Variants in BRWD1 observed in about 807,000 individuals in gnomAD.
BRWD1 encodes bromodomain and WD repeat-containing protein 1.
In BRWD1, 82 loss-of-function variants were observed where a neutral mutation model predicts 251.2. The ratio of observed to expected loss-of-function variants is 0.33; its 90% CI spans 0.27 to 0.39. The LOEUF (loss-of-function observed/expected upper bound fraction) is 0.39. Ranked by LOEUF, BRWD1 falls within the 10% of genes least tolerant of loss-of-function variation. The pLI is 1.00. For synonymous variants in BRWD1, 918 were observed against 902.8 expected (o/e 1.02, Z -0.30); for missense variants, 2,233 against 2,711.6 (o/e 0.82, Z 3.92).
chr21:39,241,058 G>A (rs1054589099), intron 21 of BRWD1, among the ~76,000 whole-genome samples: 435 of 150,180 alleles, frequency 2.9e-3, no homozygotes, highest in African/African-American at 0.01. Context: ...CCGCCACCAC[G>A]CCCAGCTAAT....
chr21:39,259,214 A>G (rs1267888793), intron 17 of BRWD1, among the ~76,000 whole-genome samples: 1 of 152,206 alleles, frequency 6.6e-6, no homozygotes, highest in East Asian at 1.9e-4. Flanking sequence ...TGGTAATTAC[A>G]CAAGCCTCTC....
rs1367799600 is a variant in BRWD1, at chr21:39,199,086, G to A, written c.5330C>T (p.Thr1777Met). ...CTCTGCCTTAAGTTTCTGCACAGAC[G>A]TTGATGGGCCAGCAGTTCTGTTACA... Reference protein sequence around the residue: ...HACNRTAGPSTSVQKLKAESI... With the variant: ...HACNRTAGPSMSVQKLKAESI... The change falls in exon 40 of 41, where the codon ACG becomes ATG. Residue 1777 changes from threonine (T) to methionine (M), a missense_variant. Transcript: ENST00000342449. 10 of 1,613,950 alleles carry A rather than the reference G, an allele frequency of 6.2e-6. No individual in the cohort carries two copies. Among genetic ancestry groups the A allele is most frequent in the East Asian group, 2.2e-5 (1 of 44,888 alleles).
At chr21:39,237,843 T>C (rs981091005) in intron 22 of BRWD1, among the ~76,000 whole-genome samples, 9 of 152,092 alleles carry the variant, frequency 5.9e-5, no homozygotes, top group South Asian at 2.1e-4. Context: ...TAAAAAAAGA[T>C]AATACATTAT....
Position 39,200,401 on chromosome 21 carries a change from G to A in BRWD1, c.4586-15C>T. On this transcript the variant is annotated splice_polypyrimidine_tract_variant and intron_variant, in intron 38 of 40. Coordinates refer to ENST00000342449, the MANE Select transcript of BRWD1 (RefSeq NM_033656.4). The stretch of plus-strand genomic sequence containing the variant: ...CACTTCACTTTCTAGGAAAAATAAA[G>A]TGTAAATAGTTACATATATTCTCCT... 6.2e-7 allele frequency: 1 copy of A among 1,606,470 alleles called. No individual in the cohort carries two copies. Among genetic ancestry groups the A allele is most frequent in the Non-Finnish European group, 8.5e-7 (1 of 1,175,946 alleles).
intron 38 of BRWD1, 147 bp downstream of exon 38, chr21:39,202,178 G>C (rs2032142274): frequency 1.8e-6 from 1 of 557,126 alleles, no homozygotes; most frequent in East Asian, 2.8e-5. Context: ...ATTGTTCCAT[G>C]TTTATTATGT....
chr21:39,279,480 A>C (rs2035380635), intron 9 of BRWD1, among the ~76,000 whole-genome samples: 1 of 19,876 alleles, frequency 5.0e-5, no homozygotes, highest in Admixed American at 4.8e-4. Flanking sequence ...CTCTACTAAA[A>C]ATACAAAAAT....
intron 31 of BRWD1, chr21:39,217,233 T>C (rs1476784224): frequency 1.3e-5 from 2 of 152,210 alleles, no homozygotes; most frequent in Non-Finnish European, 2.9e-5. Flanking sequence ...GTACCTGCGA[T>C]TACAGGCACG....
intron 23 of BRWD1, among the ~76,000 whole-genome samples, chr21:39,235,095 G>A (rs943243051): frequency 7.9e-5 from 12 of 151,884 alleles, no homozygotes; most frequent in Admixed American, 2.6e-4. Context: ...CTAAAAATAC[G>A]AAACTTAGCC....
chr21:39,211,014 T>G, intron 34 of BRWD1, 85 bp from the exon 35 acceptor site: 2 of 1,346,858 alleles, frequency 1.5e-6, no homozygotes, highest in Non-Finnish European at 2.0e-6. Flanking sequence ...CTGTCTTCTA[T>G]AAAAATACAA....
At chr21:39,313,839 G>GGGGGA (rs1457469495), upstream of BRWD1, 33 of 341,538 alleles carry the variant, frequency 9.7e-5, no homozygotes, top group East Asian at 1.9e-3. Context: ...AGCAGCGAGT[G>GGGGGA]GGGGAGGGGA....
In BRWD1 at chr21:39,255,620, T is replaced by C. The variant is rs866840250; in HGVS notation, c.2255+25A>G. The C allele has an allele frequency of 1.9e-6, 3 of 1,575,974 alleles. 1 individual carries two copies. The Middle Eastern group carries it at 5.0e-4, about 263-fold the overall frequency. On this transcript the variant is annotated intron_variant, in intron 19 of 40. Coordinates refer to ENST00000342449, the MANE Select transcript of BRWD1 (RefSeq NM_033656.4). The stretch of plus-strand genomic sequence containing the variant: ...AATATATTTTCACAGATAGAAACAT[T>C]ATAAATAGATATCCTAAAACAAACC...
intron 12 of BRWD1, among the ~76,000 whole-genome samples, chr21:39,274,858 G>A (rs1284434376): frequency 6.6e-6 from 1 of 152,140 alleles, no homozygotes; most frequent in Non-Finnish European, 1.5e-5. Flanking sequence ...TGACCAACAT[G>A]GTGAAACCCC....
rs2035358723 is a variant in BRWD1 at position 39,278,795 on chromosome 21, G to A, written c.951C>T (p.Phe317=). The A allele has an allele frequency of 3.1e-6, 5 of 1,596,032 alleles. No homozygotes were observed. The highest frequency in any genetic ancestry group is 3.5e-5 in the Admixed American group (2 of 57,078). Residue 317 remains phenylalanine (F), a synonymous_variant, in exon 10 of 41, where the codon TTC becomes TTT. Transcript: ENST00000342449. ...GAACGCCTGGCCTAGGCTTTTCAGT[G>A]AACTTCAGGGGACGTGGGCTTTAAA... The part of the protein sequence containing the change: ...SLKFSPRPLK[F]TEKPRPGVQM...
At chr21:39,312,202 CTATT>C (rs1297216077) in intron 4 of BRWD1, among the ~76,000 whole-genome samples, 2 of 152,238 alleles carry the variant, frequency 1.3e-5, no homozygotes, top group South Asian at 2.1e-4. Context: ...AGAAAAGTGC[CTATT>C]TAAAGCACTT....
chr21:39,257,940 AGT>A (rs1222468145), intron 18 of BRWD1, among the ~76,000 whole-genome samples: 1 of 152,208 alleles, frequency 6.6e-6, no homozygotes, highest in African/African-American at 2.4e-5. Context: ...TTATGCTGTA[AGT>A]TTAAGAGAAA....
chr21:39,302,505 T>C (rs1376835505), intron 4 of BRWD1, among the ~76,000 whole-genome samples: 2 of 152,080 alleles, frequency 1.3e-5, no homozygotes, highest in Admixed American at 1.3e-4. Context: ...ACTTGTAATC[T>C]CAGCACTTTG....
Position 39,240,673 on chromosome 21 carries a change from T to C in BRWD1, c.2482-2100A>G, listed in dbSNP as rs73357897. On this transcript the variant is annotated intron_variant, in intron 21 of 40. Coordinates refer to ENST00000342449, the MANE Select transcript of BRWD1 (RefSeq NM_033656.4). ...CTGTTTCAATCATGCCATAAAGTACTACATAACTCTTAAAACAAATAAGGA... is the reference window on the plus strand; with the variant it reads ...CTGTTTCAATCATGCCATAAAGTACCACATAACTCTTAAAACAAATAAGGA... Among the ~76,000 whole-genome samples, 605 of 152,336 alleles carry C rather than the reference T, an allele frequency of 4.0e-3. 6 individuals are homozygous for C. The highest frequency in any genetic ancestry group is 0.014 in the African/African-American group (592 of 41,576).
chr21:39,299,344 A>G (rs1044148197), intron 4 of BRWD1, among the ~76,000 whole-genome samples: 1 of 152,148 alleles, frequency 6.6e-6, no homozygotes, highest in African/African-American at 2.4e-5. Flanking sequence ...ATAAGACATC[A>G]TTTAGTATCT....
chr21:39,312,017 G>T (rs868265379), intron 4 of BRWD1, among the ~76,000 whole-genome samples: 2 of 152,206 alleles, frequency 1.3e-5, no homozygotes, highest in African/African-American at 4.8e-5. Flanking sequence ...GGCAATTAAT[G>T]AATTCCTTTA....
Sources: allele counts gnomAD v4.1 joint callset (sites outside exome capture counted in the v4.1 genomes callset), GRCh38; gene constraint gnomAD v4.1.1; transcripts MANE v1.5; gene names NCBI Gene and HGNC (gene_info 2026-07-23, HGNC 2026-07-21).